KRT80: variants seen among roughly 807,000 people sequenced by gnomAD.
KRT80 encodes keratin 80, also known as keratin, type II cytoskeletal 80.
Under a neutral mutation model 51.5 loss-of-function variants are expected in KRT80, and 36 were observed. The observed-to-expected ratio is 0.70, with a 90% CI of 0.54 to 0.92. The LOEUF (loss-of-function observed/expected upper bound fraction) is 0.92, where lower values mean the gene tolerates loss of function less well. KRT80 is among the 40% of genes least tolerant of loss of function. The pLI, the probability that KRT80 is intolerant of heterozygous loss-of-function variation, is 0.00. For missense variants in KRT80, 566 were observed against 591.7 expected (o/e 0.96, Z 0.45); for synonymous variants, 235 against 248.3 (o/e 0.95, Z 0.50).
At chr12:52,189,245 A>C (rs1224782852) in intron 1 of KRT80, among the ~76,000 whole-genome samples, 2 of 151,272 alleles carry the variant, frequency 1.3e-5, no homozygotes, top group African/African-American at 4.9e-5. Context: ...CCTGCGCCGT[A>C]CCTCCTGCCC....
In KRT80 at chr12:52,191,999, G is replaced by A. The variant is rs1261139987; in HGVS notation, c.-97C>T. On this transcript the variant is annotated 5_prime_UTR_variant, in exon 1 of 9. Transcript: ENST00000394815. Reference sequence around the variant, plus strand: ...GCTCTGGTTGCTCTGGTCACAGCTGGGGCGGGCTGGGGACTGAGGAGCAGA... The same window carrying A: ...GCTCTGGTTGCTCTGGTCACAGCTGAGGCGGGCTGGGGACTGAGGAGCAGA... 8.7e-7 allele frequency: 1 copy of A among 1,146,180 alleles called. No homozygotes were observed. Among genetic ancestry groups the A allele is most frequent in the Non-Finnish European group, 1.2e-6 (1 of 841,386 alleles). The allele number at this position is 1,146,180 out of a possible 1,614,324, so 71.0% of individuals were successfully genotyped here. A position where few individuals can be genotyped will look rare whatever the true frequency, so the allele number is the denominator to read the frequency against.
intron 2 of KRT80, among the ~76,000 whole-genome samples, chr12:52,183,627 C>T (rs12315097): frequency 0.18 from 27,424 of 152,214 alleles, 3,265 homozygotes; most frequent in East Asian, 0.51. Context: ...AGGTAGCAGG[C>T]GGATAGAAAC....
rs939619258 is a variant in KRT80 at position 52,172,090 on chromosome 12, C to A, written c.1178+108G>T. The stretch of plus-strand genomic sequence containing the variant: ...GACTAAGCCAAGACTTAAACCCAGG[C>A]CTGGTAGGCTCACTGTATCATATTG... On this transcript the variant is annotated intron_variant, in intron 7 of 8. Transcript: ENST00000394815. 37 of 1,238,084 alleles carry A rather than the reference C, an allele frequency of 3.0e-5. 1 individual carries two copies. In the South Asian group the frequency reaches 4.7e-4, roughly 16 times the overall value. The allele number at this position is 1,238,084 out of a possible 1,614,324, so 76.7% of individuals were successfully genotyped here.
At chr12:52,174,485 C>T (rs748463168) in intron 4 of KRT80, among the ~76,000 whole-genome samples, 6 of 152,344 alleles carry the variant, frequency 3.9e-5, no homozygotes, top group African/African-American at 7.2e-5. Context: ...ATTGCCTGGA[C>T]GACCACAATA....
chr12:52,178,763 G>A (rs1308304148), intron 4 of KRT80, among the ~76,000 whole-genome samples: 1 of 152,168 alleles, frequency 6.6e-6, no homozygotes, highest in Non-Finnish European at 1.5e-5. Context: ...TGAGTGGGCT[G>A]AGTCCTCCTC....
intron 1 of KRT80, among the ~76,000 whole-genome samples, chr12:52,189,599 A>G (rs1158299472): frequency 1.3e-5 from 2 of 152,136 alleles, no homozygotes; most frequent in Non-Finnish European, 2.9e-5. Context: ...TCCTGCTTCC[A>G]TGTGGGCCCT....
At position 52,170,036 on chromosome 12, in the gene KRT80, A is replaced by T. The variant is rs1395207598; in HGVS notation, c.*1362T>A. The stretch of plus-strand genomic sequence containing the variant: ...GGAGGGAAGGAAGCTGTGCAGTGGG[A>T]GGCTGGTGCCGCTGGGATGCCTCTG... On this transcript the variant is annotated 3_prime_UTR_variant, in exon 9 of 9. Transcript: ENST00000394815. The T allele has an allele frequency of 6.6e-6, 1 of 152,624 alleles. No individual in the cohort carries two copies. Among genetic ancestry groups the T allele is most frequent in the Non-Finnish European group, 1.5e-5 (1 of 68,322 alleles). The allele number at this position is 152,624 out of a possible 1,614,324, so 9.5% of individuals were successfully genotyped here. A position where few individuals can be genotyped will look rare whatever the true frequency, so the allele number is the denominator to read the frequency against.
intron 4 of KRT80, 80 bp downstream of exon 4, chr12:52,180,433 T>C (rs1941298445): frequency 1.1e-6 from 1 of 933,670 alleles, no homozygotes; most frequent in South Asian, 3.4e-5. Context: ...CCCCACTGGA[T>C]GGCTGTGCTT....
chr12:52,186,121 C>A (rs970755592), intron 1 of KRT80, among the ~76,000 whole-genome samples: 2 of 151,988 alleles, frequency 1.3e-5, no homozygotes, highest in African/African-American at 2.4e-5. Context: ...CCTGCCTGCG[C>A]GGTCCTCTCC....
chr12:52,173,730 A>G lies in KRT80; in HGVS notation c.701T>C (p.Val234Ala). ...LKDLAAQVKD[V>A]SVTVGMDSRC... ...GCTGTCCATGCCGACGGTCACCGAC[A>G]CATCCTTCACCTGTGCTGCCAGGTC... Residue 234 changes from valine to alanine, a missense_variant, in exon 5 of 9, where the codon GTG becomes GCG. By Grantham distance (64) the Val-to-Ala change is moderately conservative (BLOSUM62 0). Coordinates refer to ENST00000394815, the MANE Select transcript of KRT80 (RefSeq NM_182507.3). 1 of 1,612,178 alleles carries G rather than the reference A, an allele frequency of 6.2e-7. No homozygotes were observed. The highest frequency in any genetic ancestry group is 8.5e-7 in the Non-Finnish European group (1 of 1,180,022).
chr12:52,172,123 G>A, intron 7 of KRT80, 75 bp downstream of exon 7: 3 of 1,516,986 alleles, frequency 2.0e-6, no homozygotes, highest in Non-Finnish European at 2.7e-6. Flanking sequence ...TTGGAAAGGA[G>A]AACTGACTTT....
chr12:52,174,539 AC>A (rs1272321106), intron 4 of KRT80, among the ~76,000 whole-genome samples: 1 of 152,204 alleles, frequency 6.6e-6, no homozygotes, highest in Non-Finnish European at 1.5e-5. Context: ...AAATGGTAAA[AC>A]CCACCATTCC....
chr12:52,171,672 G>A lies in KRT80; in HGVS notation c.1220C>T (p.Ser407Phe). The A allele has an allele frequency of 6.8e-7, 1 of 1,478,568 alleles. No individual in the cohort carries two copies. Among genetic ancestry groups the A allele is most frequent in the Non-Finnish European group, 9.1e-7 (1 of 1,098,950 alleles). 91.6% of individuals were successfully genotyped at this position (1,478,568 alleles called of 1,614,324 possible). ...AGAGGACTCACCGGTTTTGCACCTG[G>A]ACTGCACAGCGCTGACCACAGTGGC... ...PSATVVSAVQ[S>F]RCKTAASRSG... is the part of the protein sequence containing the mutation. The change falls in exon 8 of 9, where the codon TCC (serine) becomes TTC (phenylalanine). Residue 407 changes from serine to phenylalanine, a missense_variant. Ser to Phe is a radical substitution (Grantham distance 155). Transcript: ENST00000394815.
intron 3 of KRT80, 64 bp from the exon 4 acceptor site, chr12:52,180,672 C>A (rs1237027969): frequency 6.4e-7 from 1 of 1,573,938 alleles, no homozygotes; most frequent in South Asian, 1.2e-5. Flanking sequence ...CAGGAGTGGG[C>A]TGGGGGGCTG....
chr12:52,173,548 C>T, intron 5 of KRT80, 52 bp downstream of exon 5: 1 of 1,581,432 alleles, frequency 6.3e-7, no homozygotes, highest in Non-Finnish European at 8.6e-7. Context: ...CCCTTCCTGC[C>T]ACCCAGAGAA....
rs143243571 is a variant in KRT80 at position 52,188,084 on chromosome 12, C to T, written c.301-2497G>A. Among the ~76,000 whole-genome samples, 1,332 of 152,102 alleles carry T rather than the reference C, an allele frequency of 8.8e-3. 15 individuals carry two copies. Among genetic ancestry groups the T allele is most frequent in the African/African-American group, 0.031 (1,281 of 41,470 alleles). ...GGGAGTCTCTGGTTGTCTCAGTGGG[C>T]GGGGATGGAAATTCATTCCCCACTT... On this transcript the variant is annotated intron_variant, in intron 1 of 8. Transcript: ENST00000394815.
At chr12:52,180,876 G>A in intron 3 of KRT80, 27 bp downstream of exon 3, 1 of 1,605,950 alleles carries the variant, frequency 6.2e-7, no homozygotes, top group Non-Finnish European at 8.5e-7. Flanking sequence ...TGAGGAAGGA[G>A]CCCCTGGGGC....
At chr12:52,176,170 A>G (rs1241989433) in intron 4 of KRT80, among the ~76,000 whole-genome samples, 1 of 152,270 alleles carries the variant, frequency 6.6e-6, no homozygotes, top group African/African-American at 2.4e-5. Flanking sequence ...TGGAGCGTTC[A>G]GAACATCCAC....
Position 52,180,906 on chromosome 12 carries a change from C to T in KRT80, c.567G>A (p.Lys189=). Reference sequence around the variant, plus strand: ...TGGGGCAGGCTGGGCAGGCTACCTTCTTCAGCTGAACAAAGGTGAACTCCA... The same window carrying T: ...TGGGGCAGGCTGGGCAGGCTACCTTTTTCAGCTGAACAAAGGTGAACTCCA... ...TDMEFTFVQL[K]KDLDAECLHR... The change falls in exon 3 of 9, where the codon AAG becomes AAA. Residue 189 remains lysine (K), a synonymous_variant. Coordinates refer to ENST00000394815, the MANE Select transcript of KRT80 (RefSeq NM_182507.3). 5 of 1,588,252 alleles carry T rather than the reference C, an allele frequency of 3.1e-6. No homozygotes were observed. The highest frequency in any genetic ancestry group is 4.3e-6 in the Non-Finnish European group (5 of 1,170,938).
Sources: allele counts gnomAD v4.1 joint callset (sites outside exome capture counted in the v4.1 genomes callset), GRCh38; gene constraint gnomAD v4.1.1; transcripts MANE v1.5; gene names NCBI Gene and HGNC (gene_info 2026-07-23, HGNC 2026-07-21).